The following VPS13D variants were observed in gnomAD, a reference collection of about 807,000 sequenced individuals.
VPS13D encodes intermembrane lipid transfer protein VPS13D.
In VPS13D, 187 loss-of-function variants were observed where a neutral mutation model predicts 461.9. The observed-to-expected ratio is 0.40, with a 90% CI of 0.36 to 0.46. The LOEUF (loss-of-function observed/expected upper bound fraction) is 0.46. Among genes scored for constraint, VPS13D ranks in the 20% least tolerant of loss-of-function variants. VPS13D has a pLI of 0.60. For missense variants in VPS13D, 4,711 were observed against 5,364.9 expected, an observed-to-expected ratio of 0.88 and a Z score of 3.81; for synonymous variants, 1,951 against 1,986.3, an observed-to-expected ratio of 0.98 and a Z score of 0.47.
At chr1:12,412,446 TAG>T (rs1327037048) in intron 63 of VPS13D, among the ~76,000 whole-genome samples, 5 of 152,322 alleles carry the variant, frequency 3.3e-5, no homozygotes, top group African/African-American at 1.2e-4. Context: ...AGTGTGGCAT[TAG>T]TAGAAAGCAG....
chr1:12,496,823 A>G (rs1322421099), intron 67 of VPS13D, among the ~76,000 whole-genome samples: 1 of 152,222 alleles, frequency 6.6e-6, no homozygotes, highest in African/African-American at 2.4e-5. Context: ...GGCCCGAGTT[A>G]GAGCCTCTGC....
chr1:12,336,712 G>T (rs1368725881), intron 39 of VPS13D: 1 of 152,188 alleles, frequency 6.6e-6, no homozygotes, highest in Non-Finnish European at 1.5e-5. Context: ...GAGACACAAA[G>T]AAATGTCAGC....
intron 18 of VPS13D, among the ~76,000 whole-genome samples, chr1:12,273,693 T>A (rs1641521717): frequency 6.6e-6 from 1 of 152,240 alleles, no homozygotes; most frequent in South Asian, 2.1e-4. Flanking sequence ...AGCATGACAT[T>A]TTCAAGGTTA....
At chr1:12,246,291 T>G (rs931383489) in intron 5 of VPS13D, among the ~76,000 whole-genome samples, 11 of 152,194 alleles carry the variant, frequency 7.2e-5, no homozygotes, top group African/African-American at 2.4e-4. Context: ...AAGGAGTGGC[T>G]TTCAGGTCCT....
chr1:12,270,175 G>A (rs1036994601), intron 16 of VPS13D, among the ~76,000 whole-genome samples: 3 of 151,282 alleles, frequency 2.0e-5, no homozygotes, highest in African/African-American at 7.3e-5. Flanking sequence ...AATATAGAAA[G>A]GCTGGGTGTG....
Position 12,509,162 on chromosome 1 carries a change from C to CCTG in VPS13D, c.*138_*139insCTG. On this transcript the variant is annotated 3_prime_UTR_variant, in exon 70 of 70. Transcript: ENST00000620676. ...GTCAAGGAATGAGGGAAAGTAAATCCTCATGAGGAAAAGTACAAATGGAAA... is the reference window on the plus strand; with the variant it reads ...GTCAAGGAATGAGGGAAAGTAAATCCCTGTCATGAGGAAAAGTACAAATGGAAA... The CCTG allele has an allele frequency of 9.7e-7, 1 of 1,031,984 alleles. No individual in the cohort carries two copies. The highest frequency in any genetic ancestry group is 1.4e-6 in the Non-Finnish European group (1 of 740,010). 63.9% of individuals were successfully genotyped at this position (1,031,984 alleles called of 1,614,324 possible).
intron 27 of VPS13D, among the ~76,000 whole-genome samples, chr1:12,309,447 G>C (rs1642669046): frequency 6.6e-6 from 1 of 151,640 alleles, no homozygotes; most frequent in Non-Finnish European, 1.5e-5. Flanking sequence ...TTGACCTCGT[G>C]ATCCACCTGC....
chr1:12,327,833 C>A lies in VPS13D; in HGVS notation c.8176C>A (p.Leu2726Ile). The A allele has an allele frequency of 6.2e-7, 1 of 1,613,998 alleles. No individual in the cohort carries two copies. The highest frequency in any genetic ancestry group is 8.5e-7 in the Non-Finnish European group (1 of 1,180,002). Reference sequence around the variant, plus strand: ...TGACTGCATGGATTGTGATGTTCCTCTCGCTGAACTCACCTTTTCCCGTGA... The same window carrying A: ...TGACTGCATGGATTGTGATGTTCCTATCGCTGAACTCACCTTTTCCCGTGA... Reference protein sequence around the residue: ...IDDCMDCDVPLAELTFSRLNF... With the variant: ...IDDCMDCDVPIAELTFSRLNF... The change falls in exon 36 of 70, where the codon CTC becomes ATC. Residue 2726 changes from leucine to isoleucine, a missense_variant. Transcript: ENST00000620676.
At chr1:12,323,630 C>G (rs1439396847) in intron 34 of VPS13D, 76 bp from the exon 35 acceptor site, 36 of 1,439,600 alleles carry the variant, frequency 2.5e-5, no homozygotes, top group Non-Finnish European at 3.2e-5. Flanking sequence ...AATTTCTTTT[C>G]TTTTTTTCTA....
chr1:12,506,788 G>A, intron 68 of VPS13D, 65 bp from the exon 69 acceptor site: 2 of 1,573,748 alleles, frequency 1.3e-6, no homozygotes, highest in South Asian at 1.2e-5. Flanking sequence ...AGCCCGCAGT[G>A]GGCCTCCCCC....
Position 12,268,745 on chromosome 1 carries a change from A to T in VPS13D, c.1841A>T (p.Glu614Val). ...PDGPVFEMLYERNPAHSHFER... is the reference protein window; with the variant it reads ...PDGPVFEMLYVRNPAHSHFER... ...GGCCCCGTTTTTGAGATGCTGTATG[A>T]GAGAAATCCGGCGCACAGCCACTTT... Residue 614 changes from glutamate (E) to valine (V), a missense_variant, in exon 16 of 70, where the codon GAG (glutamate) becomes GTG (valine). Glu to Val is a moderately radical substitution (Grantham distance 121, BLOSUM62 -2). Transcript: ENST00000620676. 1 of 1,614,060 alleles carries T rather than the reference A, an allele frequency of 6.2e-7. No individual in the cohort carries two copies. The highest frequency in any genetic ancestry group is 8.5e-7 in the Non-Finnish European group (1 of 1,179,992).
At chr1:12,240,709 G>T (rs1241213005) in intron 2 of VPS13D, among the ~76,000 whole-genome samples, 1 of 146,622 alleles carries the variant, frequency 6.8e-6, no homozygotes, top group Admixed American at 7.0e-5. Flanking sequence ...AATGTTTCAT[G>T]ATTTTTTTTT....
At chr1:12,479,304 C>T (rs760915805) in intron 67 of VPS13D, among the ~76,000 whole-genome samples, 6 of 152,228 alleles carry the variant, frequency 3.9e-5, no homozygotes, top group Non-Finnish European at 5.9e-5. Flanking sequence ...CAGCCAGTCA[C>T]GTTCTTTGGC....
intron 41 of VPS13D, chr1:12,342,657 C>A: frequency 5.0e-6 from 2 of 396,884 alleles, no homozygotes; most frequent in East Asian, 3.6e-5. Context: ...ATTCTACTGC[C>A]TGAGGTAAGT....
At chr1:12,334,896 T>C (rs1470323962) in intron 38 of VPS13D, among the ~76,000 whole-genome samples, 1 of 152,224 alleles carries the variant, frequency 6.6e-6, no homozygotes, top group African/African-American at 2.4e-5. Flanking sequence ...TATGACCTCT[T>C]GTGTTTAAAT....
chr1:12,311,860 T>C lies in VPS13D; in HGVS notation c.6870T>C (p.Asp2290=). 6.2e-7 allele frequency: 1 copy of C among 1,614,186 alleles called. No individual in the cohort carries two copies. The highest frequency in any genetic ancestry group is 8.5e-7 in the Non-Finnish European group (1 of 1,180,014). Residue 2290 remains aspartate, a synonymous_variant, in exon 29 of 70, where the codon GAT becomes GAC. Transcript: ENST00000620676. ...EVYTCMCFLI[D]MVNVSLELKD... ...ACACCTGTATGTGCTTCCTCATTGATATGGTGAATGTAAGTCTGGAGCTTA... is the reference window on the plus strand; with the variant it reads ...ACACCTGTATGTGCTTCCTCATTGACATGGTGAATGTAAGTCTGGAGCTTA...
intron 7 of VPS13D, among the ~76,000 whole-genome samples, chr1:12,254,614 C>T (rs1159679429): frequency 7.0e-6 from 1 of 143,736 alleles, no homozygotes; most frequent in Admixed American, 7.3e-5. Flanking sequence ...ATCTTTGCCT[C>T]CCAGATGGAA....
In VPS13D at chr1:12,369,618, A is replaced by G. The variant is rs781098309; in HGVS notation, c.10724A>G (p.Asn3575Ser). The change falls in exon 54 of 70, where the codon AAC becomes AGC. Residue 3575 changes from asparagine (N) to serine (S), a missense_variant. Around this residue, in one of 3 missense-constraint regions of VPS13D, gnomAD observed 4,411 missense variants for 4,937.8 expected, o/e 0.89. Coordinates refer to ENST00000620676, the MANE Select transcript of VPS13D (RefSeq NM_015378.4). ...TVKGAGSSEI[N>S]CNMNDFQDNR... ...AAAGGGGCAGGGTCCTCTGAGATCA[A>G]CTGCAACATGAATGATTTCCAGGAT... The G allele has an allele frequency of 6.8e-6, 11 of 1,614,216 alleles. No homozygotes were observed. The highest frequency in any genetic ancestry group is 9.3e-6 in the Non-Finnish European group (11 of 1,180,038).
rs1269957921 is a variant in VPS13D at position 12,327,633 on chromosome 1, T to A, written c.7991-15T>A. 6.2e-7 allele frequency: 1 copy of A among 1,613,790 alleles called. No individual in the cohort carries two copies. Among genetic ancestry groups the A allele is most frequent in the African/African-American group, 1.3e-5 (1 of 75,020 alleles). On this transcript the variant is annotated splice_polypyrimidine_tract_variant and intron_variant, in intron 35 of 69. Coordinates refer to ENST00000620676, the MANE Select transcript of VPS13D (RefSeq NM_015378.4). ...GGAAGCTGGTAGAACTGATCACTTCTTAATTTCTTTGAAGGCCAATTGAAA... is the reference window on the plus strand; with the variant it reads ...GGAAGCTGGTAGAACTGATCACTTCATAATTTCTTTGAAGGCCAATTGAAA...
Sources: gnomAD v4.1 joint callset for allele counts (sites outside exome capture counted in the v4.1 genomes callset) on GRCh38, gnomAD v4.1.1 for gene constraint, gnomAD v4.1.1 regional missense constraint, MANE v1.5 for transcripts, NCBI Gene and HGNC (gene_info 2026-07-23, HGNC 2026-07-21) for gene names.